The following TNFSF4 variants were observed in gnomAD, a reference collection of about 807,000 sequenced individuals.
TNFSF4 encodes the protein TNF superfamily member 4.
Under a neutral mutation model 7.3 loss-of-function variants are expected in TNFSF4, and 4 were observed. That is an observed-to-expected ratio of 0.55 (90% confidence interval 0.27 to 1.25). TNFSF4 has a LOEUF of 1.25. Ranked by LOEUF, TNFSF4 falls within the 50% of genes most tolerant of loss-of-function variation. TNFSF4 has a pLI of 0.12. For missense variants in TNFSF4, 181 were observed against 208.8 expected (o/e 0.87, Z 0.82); for synonymous variants, 76 against 83.7 (o/e 0.91, Z 0.50).
chr1:173,367,907 G>A, the TNFSF4 span, among the ~76,000 whole-genome samples: 155 of 152,274 alleles, frequency 1.0e-3, no homozygotes, highest in African/African-American at 3.4e-3. Context: ...GTGGGGACTT[G>A]GGGAACTTTT....
chr1:173,396,753 TA>T, the TNFSF4 span, among the ~76,000 whole-genome samples: 11 of 152,180 alleles, frequency 7.2e-5, no homozygotes, highest in Non-Finnish European at 1.5e-4. Flanking sequence ...TTCAAGGGTT[TA>T]GGGAAATTGG....
At chr1:173,272,047 G>A in the TNFSF4 span, among the ~76,000 whole-genome samples, 1 of 152,098 alleles carries the variant, frequency 6.6e-6, no homozygotes, top group Non-Finnish European at 1.5e-5. Flanking sequence ...GTCCTTTGTA[G>A]GAGCACAGAT....
At chr1:173,391,333 A>T in the TNFSF4 span, among the ~76,000 whole-genome samples, 1 of 58,704 alleles carries the variant, frequency 1.7e-5, no homozygotes, top group African/African-American at 7.0e-5. Flanking sequence ...TCTCTCTCTC[A>T]TGCACACTAG....
chr1:173,257,874 C>T, the TNFSF4 span, among the ~76,000 whole-genome samples: 3 of 152,148 alleles, frequency 2.0e-5, no homozygotes, highest in African/African-American at 7.2e-5. Context: ...CAATTTCTGG[C>T]ACCACCCTCC....
the TNFSF4 span, among the ~76,000 whole-genome samples, chr1:173,284,883 A>G: frequency 6.6e-6 from 1 of 152,176 alleles, no homozygotes; most frequent in African/African-American, 2.4e-5. Context: ...ATAAACAAGA[A>G]GACAAATGTT....
At chr1:173,176,902 A>G in the TNFSF4 span, among the ~76,000 whole-genome samples, 1 of 152,240 alleles carries the variant, frequency 6.6e-6, no homozygotes, top group Non-Finnish European at 1.5e-5. Flanking sequence ...GTTATCACTT[A>G]TAAGTGGGAG....
chr1:173,435,850 T>C, the TNFSF4 span, among the ~76,000 whole-genome samples: 2 of 152,206 alleles, frequency 1.3e-5, no homozygotes, highest in African/African-American at 4.8e-5. Context: ...TACCCATGAA[T>C]GTCATTTAGT....
the TNFSF4 span, among the ~76,000 whole-genome samples, chr1:173,394,063 A>C: frequency 6.6e-6 from 1 of 152,114 alleles, no homozygotes; most frequent in Admixed American, 6.6e-5. Context: ...CATGGTGTAT[A>C]ACTTTTTGTT....
chr1:173,403,164 T>C, the TNFSF4 span, among the ~76,000 whole-genome samples: 1 of 152,156 alleles, frequency 6.6e-6, no homozygotes, highest in Non-Finnish European at 1.5e-5. Flanking sequence ...AGAATTTGCA[T>C]TGCTAACAAG....
At chr1:173,307,832 A>G in the TNFSF4 span, among the ~76,000 whole-genome samples, 9 of 151,966 alleles carry the variant, frequency 5.9e-5, no homozygotes, top group Non-Finnish European at 1.0e-4. Context: ...AATATTTATG[A>G]GAGTTCTTGC....
the TNFSF4 span, among the ~76,000 whole-genome samples, chr1:173,227,170 C>T: frequency 6.6e-6 from 1 of 150,996 alleles, no homozygotes; most frequent in South Asian, 2.1e-4. Context: ...TATTTTTACC[C>T]TTCTCTCAAA....
the TNFSF4 span, among the ~76,000 whole-genome samples, chr1:173,276,236 A>T: frequency 6.6e-6 from 1 of 152,138 alleles, no homozygotes; most frequent in Non-Finnish European, 1.5e-5. Context: ...TTACAGAAAG[A>T]TTAATCCAAA....
At chr1:173,412,114 C>T in the TNFSF4 span, among the ~76,000 whole-genome samples, 1 of 56,442 alleles carries the variant, frequency 1.8e-5, no homozygotes, top group Non-Finnish European at 4.3e-5. Flanking sequence ...GATTCCATCT[C>T]AAGAAAAAAA....
At chr1:173,421,111 C>T in the TNFSF4 span, among the ~76,000 whole-genome samples, 2 of 151,894 alleles carry the variant, frequency 1.3e-5, no homozygotes, top group African/African-American at 4.8e-5. Flanking sequence ...TGCCCCTGCC[C>T]GCATTTAGGG....
the TNFSF4 span, among the ~76,000 whole-genome samples, chr1:173,361,360 A>C: frequency 6.6e-6 from 1 of 152,096 alleles, no homozygotes; most frequent in South Asian, 2.1e-4. Context: ...TATGACCAAC[A>C]ACTTATAGGT....
chr1:173,366,319 T>C, the TNFSF4 span, among the ~76,000 whole-genome samples: 1 of 152,184 alleles, frequency 6.6e-6, no homozygotes, highest in Non-Finnish European at 1.5e-5. Flanking sequence ...AATGAAATTC[T>C]GTCATTTGCA....
chr1:173,377,184 AC>A, the TNFSF4 span, among the ~76,000 whole-genome samples: 193 of 152,304 alleles, frequency 1.3e-3, no homozygotes, highest in Middle Eastern at 3.4e-3. Flanking sequence ...TTTGGCAACC[AC>A]AAATGTACAA....
the TNFSF4 span, among the ~76,000 whole-genome samples, chr1:173,359,402 T>A: frequency 6.6e-6 from 1 of 150,866 alleles, no homozygotes; most frequent in African/African-American, 2.4e-5. Context: ...AAAACACAGT[T>A]CTTAGACAAG....
the TNFSF4 span, among the ~76,000 whole-genome samples, chr1:173,435,308 G>C: frequency 6.6e-6 from 1 of 152,160 alleles, no homozygotes; most frequent in Non-Finnish European, 1.5e-5. Context: ...AAATAACTGA[G>C]CTATTTATTA....
Sources: gnomAD v4.1 joint callset for allele counts (sites outside exome capture counted in the v4.1 genomes callset) on GRCh38, gnomAD v4.1.1 for gene constraint, MANE v1.5 for transcripts, NCBI Gene and HGNC (gene_info 2026-07-23, HGNC 2026-07-21) for gene names.